Variants in SNX29 observed in about 807,000 individuals in gnomAD.
The protein encoded by SNX29 is sorting nexin-29.
A neutral mutation model predicts 102.1 loss-of-function variants in SNX29; 78 were observed. The ratio of observed to expected loss-of-function variants is 0.76; its 90% confidence interval spans 0.64 to 0.92. The LOEUF (loss-of-function observed/expected upper bound fraction) is 0.92, where lower values mean the gene tolerates loss of function less well. Ranked by LOEUF, SNX29 falls within the 40% of genes least tolerant of loss-of-function variation. SNX29 has a pLI of 0.00. For missense variants in SNX29, 1,280 were observed against 1,061.7 expected, an observed-to-expected ratio of 1.21 and a Z score of -2.86; for synonymous variants, 580 against 414.5, an observed-to-expected ratio of 1.40 and a Z score of -4.85.
chr16:12,034,687 G>A (rs2057426611), intron 4 of SNX29, among the ~76,000 whole-genome samples: 1 of 152,108 alleles, frequency 6.6e-6, no homozygotes, highest in African/African-American at 2.4e-5. Flanking sequence ...CCTATTGGCC[G>A]AATGTGACCT....
intron 19 of SNX29, among the ~76,000 whole-genome samples, chr16:12,522,745 G>A (rs1015158233): frequency 4.6e-5 from 7 of 152,146 alleles, no homozygotes; most frequent in Non-Finnish European, 7.3e-5. Context: ...TACAGCCTGC[G>A]AAACCATGAG....
At chr16:12,261,657 C>G (rs552168248) in intron 14 of SNX29, among the ~76,000 whole-genome samples, 2 of 122,280 alleles carry the variant, frequency 1.6e-5, no homozygotes, top group African/African-American at 6.4e-5. Context: ...TTCCTGAGCT[C>G]GGGTCTGCAC....
At chr16:11,994,769 T>A (rs2055994302) in intron 1 of SNX29, among the ~76,000 whole-genome samples, 1 of 152,176 alleles carries the variant, frequency 6.6e-6, no homozygotes, top group African/African-American at 2.4e-5. Flanking sequence ...GGAGGTGCTG[T>A]ACTCTCCACT....
chr16:12,326,291 G>A (rs769895610), intron 15 of SNX29, among the ~76,000 whole-genome samples: 1 of 151,392 alleles, frequency 6.6e-6, no homozygotes, highest in Non-Finnish European at 1.5e-5. Context: ...TGGTATTACA[G>A]GTGTGAGCCC....
rs570051183 is a variant in SNX29 at position 12,395,730 on chromosome 16, G to A, written c.1900-2716G>A. On this transcript the variant is annotated intron_variant, in intron 16 of 20. Coordinates refer to ENST00000566228, the MANE Select transcript of SNX29 (RefSeq NM_032167.5). ...GACTTCAGACAAACAGGGGATGTTT[G>A]TGGCCAGTGTCAGTAGAAAGTTGAT... Among the ~76,000 whole-genome samples, 3 of 152,330 alleles carry A rather than the reference G, an allele frequency of 2.0e-5. No homozygotes were observed. The South Asian group carries it at 6.2e-4, about 32-fold the overall frequency.
At chr16:12,430,999 C>T (rs971512887) in intron 18 of SNX29, among the ~76,000 whole-genome samples, 5 of 152,078 alleles carry the variant, frequency 3.3e-5, no homozygotes, top group East Asian at 3.8e-4. Context: ...ATTAGAGGCA[C>T]CTGCCACCAC....
intron 4 of SNX29, among the ~76,000 whole-genome samples, chr16:12,033,156 A>G (rs988171791): frequency 4.6e-5 from 7 of 151,522 alleles, no homozygotes; most frequent in African/African-American, 1.2e-4. Flanking sequence ...TGCCCGGCCA[A>G]TGCTGGCTTT....
At chr16:12,543,978 C>G (rs531520903) in intron 20 of SNX29, among the ~76,000 whole-genome samples, 43 of 152,324 alleles carry the variant, frequency 2.8e-4, no homozygotes, top group African/African-American at 1.0e-3. Context: ...ATGGTCTCAG[C>G]CAAGGTCACA....
chr16:12,147,978 A>T (rs949055995), intron 13 of SNX29, among the ~76,000 whole-genome samples: 3 of 152,180 alleles, frequency 2.0e-5, no homozygotes, highest in African/African-American at 7.2e-5. Context: ...TTAAAGAGAG[A>T]CAACTGTCAA....
At chr16:12,336,437 G>A (rs1256901767) in intron 15 of SNX29, among the ~76,000 whole-genome samples, 1 of 152,226 alleles carries the variant, frequency 6.6e-6, no homozygotes, top group Non-Finnish European at 1.5e-5. Context: ...GCCTGGACGT[G>A]TTGGCACGTT....
At chr16:12,390,489 C>T (rs1033617241) in intron 16 of SNX29, among the ~76,000 whole-genome samples, 1 of 152,070 alleles carries the variant, frequency 6.6e-6, no homozygotes, top group Non-Finnish European at 1.5e-5. Context: ...CTCTGCAAGC[C>T]CCGGGACTTC....
At chr16:12,353,938 T>C (rs2082061624) in intron 15 of SNX29, among the ~76,000 whole-genome samples, 1 of 152,226 alleles carries the variant, frequency 6.6e-6, no homozygotes, top group Non-Finnish European at 1.5e-5. Flanking sequence ...CTCTCTGTCC[T>C]ATTTTCTGTG....
chr16:12,265,802 T>A lies in SNX29; in HGVS notation c.1679-12131T>A, dbSNP rs148124011. On this transcript the variant is annotated intron_variant, in intron 14 of 20. Coordinates refer to ENST00000566228, the MANE Select transcript of SNX29 (RefSeq NM_032167.5). ...CTACTTGGGAGGCCGAGGTGGAGGATCACCTGAGCCTGGGGAGGTCGAGAC... is the reference window on the plus strand; with the variant it reads ...CTACTTGGGAGGCCGAGGTGGAGGAACACCTGAGCCTGGGGAGGTCGAGAC... Among the ~76,000 whole-genome samples the A allele has an allele frequency of 3.9e-4, 58 of 149,974 alleles. No homozygotes were observed. In the East Asian group the frequency reaches 0.01, roughly 26 times the overall value.
intron 14 of SNX29, among the ~76,000 whole-genome samples, chr16:12,215,459 C>G (rs954284497): frequency 1.3e-5 from 2 of 152,260 alleles, no homozygotes; most frequent in East Asian, 1.9e-4. Flanking sequence ...GGGCCTGGAT[C>G]TCTGATGTCC....
In SNX29 at chr16:12,568,912, C is replaced by A. The variant is rs1045838490; in HGVS notation, c.*283C>A. The A allele has an allele frequency of 2.1e-6, 1 of 465,210 alleles. No individual in the cohort carries two copies. The highest frequency in any genetic ancestry group is 3.8e-6 in the Non-Finnish European group (1 of 264,408). The allele number at this position is 465,210 out of a possible 1,614,324, so 28.8% of individuals were successfully genotyped here. ...CTGGGCTGCAAGGGCTGTTCCTCCA[C>A]CTTTCTGTAGTTCAGGGCTGGCAGG... is the stretch of plus-strand genomic sequence containing the variant. On this transcript the variant is annotated 3_prime_UTR_variant, in exon 21 of 21. Coordinates refer to ENST00000566228, the MANE Select transcript of SNX29 (RefSeq NM_032167.5).
At chr16:12,258,916 C>G (rs1344530035) in intron 14 of SNX29, among the ~76,000 whole-genome samples, 1 of 152,112 alleles carries the variant, frequency 6.6e-6, no homozygotes, top group Non-Finnish European at 1.5e-5. Flanking sequence ...CGGAGGAGGA[C>G]TTGTGTCTTG....
rs189184994 is a variant in SNX29 at position 12,564,061 on chromosome 16, G to A, written c.2319-4445G>A. ...CGGTAAAAGGTTGTGGTTTGGCAAC[G>A]ATGCTGTATTTTGGGAGTTTGTAAT... On this transcript the variant is annotated intron_variant, in intron 20 of 20. Transcript: ENST00000566228. Among the ~76,000 whole-genome samples the A allele has an allele frequency of 2.3e-3, 343 of 152,316 alleles. 2 individuals are homozygous for A. Among genetic ancestry groups the A allele is most frequent in the South Asian group, 0.015 (71 of 4,826 alleles).
intron 3 of SNX29, among the ~76,000 whole-genome samples, chr16:12,012,330 C>T (rs2056681700): frequency 6.6e-6 from 1 of 152,056 alleles, no homozygotes; most frequent in African/African-American, 2.4e-5. Context: ...TTTGGGAGAT[C>T]AGTTGGAAAG....
chr16:12,532,897 C>G (rs115281234), intron 20 of SNX29, among the ~76,000 whole-genome samples: 1 of 152,198 alleles, frequency 6.6e-6, no homozygotes, highest in Non-Finnish European at 1.5e-5. Flanking sequence ...CAACACCTAG[C>G]CCCAGAGCGT....
Sources: gnomAD v4.1 joint callset for allele counts (sites outside exome capture counted in the v4.1 genomes callset) on GRCh38, gnomAD v4.1.1 for gene constraint, MANE v1.5 for transcripts, NCBI Gene and HGNC (gene_info 2026-07-23, HGNC 2026-07-21) for gene names.